GSE1: variants seen among roughly 807,000 people sequenced by gnomAD.
The protein encoded by GSE1 is genetic suppressor element 1.
In GSE1, 32 loss-of-function variants were observed where a neutral mutation model predicts 112.6. The observed-to-expected ratio is 0.28, with a 90% CI of 0.21 to 0.38. The LOEUF (loss-of-function observed/expected upper bound fraction) is 0.38. Ranked by LOEUF, GSE1 falls within the 10% of genes least tolerant of loss-of-function variation. The pLI, the probability that GSE1 is intolerant of heterozygous loss-of-function variation, is 1.00. For synonymous variants in GSE1, 1,115 were observed against 735.6 expected, an observed-to-expected ratio of 1.52 and a Z score of -8.35; for missense variants, 2,348 against 1,699.2, an observed-to-expected ratio of 1.38 and a Z score of -6.71.
chr16:85,417,612 C>T (rs2048732423), intron 2 of GSE1, among the ~76,000 whole-genome samples: 1 of 152,210 alleles, frequency 6.6e-6, no homozygotes, highest in Non-Finnish European at 1.5e-5. Context: ...CATGGGTGGC[C>T]CAGGCCGCTT....
At chr16:85,309,130 C>T (rs553118040) in intron 1 of GSE1, among the ~76,000 whole-genome samples, 1 of 151,742 alleles carries the variant, frequency 6.6e-6, no homozygotes, top group African/African-American at 2.4e-5. Flanking sequence ...TAGCGAAGCT[C>T]TCGACCCAGG....
intron 1 of GSE1, among the ~76,000 whole-genome samples, chr16:85,316,475 T>G (rs2045987573): frequency 6.6e-6 from 1 of 152,144 alleles, no homozygotes; most frequent in African/African-American, 2.4e-5. Flanking sequence ...CAGCCACTGG[T>G]CCGGGTGTCC....
Position 85,661,650 on chromosome 16 carries a change from A to C in GSE1, c.2145A>C (p.Pro715=), listed in dbSNP as rs766641949. 4.3e-6 allele frequency: 7 copies of C among 1,611,018 alleles called. No homozygotes were observed. The South Asian group carries it at 6.6e-5, about 15-fold the overall frequency. ...AGCCTGGCTCGCCCTACCGGCCCCC[A>C]GTGCCACGGGCCCCCGACCCTGCCT... ...PLKPGSPYRP[P]VPRAPDPAYI... Residue 715 remains proline, a synonymous_variant, in exon 9 of 16, where the codon CCA becomes CCC. Coordinates refer to ENST00000253458, the MANE Select transcript of GSE1 (RefSeq NM_014615.5).
chr16:85,497,345 C>T (rs1199656590), intron 2 of GSE1, among the ~76,000 whole-genome samples: 1 of 152,206 alleles, frequency 6.6e-6, no homozygotes, highest in Non-Finnish European at 1.5e-5. Context: ...CAGATCCTAG[C>T]ACATGTGGGA....
At chr16:85,486,144 C>T (rs999987356) in intron 2 of GSE1, among the ~76,000 whole-genome samples, 2 of 152,202 alleles carry the variant, frequency 1.3e-5, no homozygotes, top group African/African-American at 4.8e-5. Context: ...TCCTCACCTC[C>T]TCTTCCTCTT....
At chr16:85,519,913 C>T (rs748711918) in intron 2 of GSE1, among the ~76,000 whole-genome samples, 2 of 152,162 alleles carry the variant, frequency 1.3e-5, no homozygotes, top group African/African-American at 4.8e-5. Flanking sequence ...AAGGAAGGCA[C>T]CTTTCTCTCA....
chr16:85,501,614 C>T (rs6564125), intron 2 of GSE1, among the ~76,000 whole-genome samples: 98,380 of 151,880 alleles, frequency 0.65, 33,461 homozygotes, highest in African/African-American at 0.87. Flanking sequence ...AGGCTGGTCT[C>T]GAACCCCTGG....
At chr16:85,424,957 G>A (rs936522952) in intron 2 of GSE1, among the ~76,000 whole-genome samples, 1 of 152,274 alleles carries the variant, frequency 6.6e-6, no homozygotes, top group Non-Finnish European at 1.5e-5. Context: ...TCGGGTTGCA[G>A]GCAGAGCTCT....
chr16:85,404,191 T>C (rs1446521139), intron 2 of GSE1, among the ~76,000 whole-genome samples: 19 of 80,450 alleles, frequency 2.4e-4, no homozygotes, highest in African/African-American at 9.3e-4. Context: ...ACCGTTACAC[T>C]CAGGGCCCCC....
chr16:85,576,435 C>A (rs1352788111), intron 1 of GSE1, among the ~76,000 whole-genome samples: 1 of 152,138 alleles, frequency 6.6e-6, no homozygotes, highest in Non-Finnish European at 1.5e-5. Flanking sequence ...CAAACGCTGC[C>A]CCTTCCACAC....
chr16:85,364,980 G>T lies in GSE1; in HGVS notation c.2464+7337G>T, dbSNP rs57679013. Among the ~76,000 whole-genome samples the T allele has an allele frequency of 4.6e-3, 708 of 152,344 alleles. 8 individuals carry two copies. Among genetic ancestry groups the T allele is most frequent in the African/African-American group, 0.017 (689 of 41,566 alleles). ...GTACTGTGGTTCTGAGGCAGCCCCT[G>T]GCTGTCTTCGAGGCTGTCTTTGGAG... On this transcript the variant is annotated intron_variant, in intron 2 of 2. Coordinates refer to the GSE1 transcript ENST00000637419.
rs548601479 is a variant in GSE1, at chr16:85,364,987, T to C, written c.2464+7344T>C. ...GGTTCTGAGGCAGCCCCTGGCTGTC[T>C]TCGAGGCTGTCTTTGGAGGCCTGTC... On this transcript the variant is annotated intron_variant, in intron 2 of 2. Transcript: ENST00000637419. Among the ~76,000 whole-genome samples, 11 of 152,350 alleles carry C rather than the reference T, an allele frequency of 7.2e-5. No individual in the cohort carries two copies. In the South Asian group the frequency reaches 2.1e-3, roughly 29 times the overall value.
intron 8 of GSE1, among the ~76,000 whole-genome samples, chr16:85,659,908 C>A (rs567369301): frequency 4.6e-5 from 7 of 152,310 alleles, no homozygotes; most frequent in Admixed American, 6.5e-5. Flanking sequence ...GCAGTGGGGT[C>A]GCTGCAGTTG....
At chr16:85,558,377 G>T (rs991107254) in intron 1 of GSE1, among the ~76,000 whole-genome samples, 21 of 151,860 alleles carry the variant, frequency 1.4e-4, no homozygotes, top group African/African-American at 5.1e-4. Context: ...AGTACAGGGC[G>T]TCTTCAAAGC....
intron 1 of GSE1, among the ~76,000 whole-genome samples, chr16:85,261,908 C>A (rs1009225144): frequency 6.6e-6 from 1 of 152,146 alleles, no homozygotes; most frequent in Non-Finnish European, 1.5e-5. Flanking sequence ...GCTAAACCCT[C>A]GTGTGTATCC....
At chr16:85,669,740 T>C (rs1373750696) in intron 14 of GSE1, among the ~76,000 whole-genome samples, 3 of 152,356 alleles carry the variant, frequency 2.0e-5, no homozygotes, top group East Asian at 3.9e-4. Context: ...AGTTTGGCTT[T>C]TTCCTGTTCT....
At chr16:85,648,779 C>A (rs373323048) in intron 3 of GSE1, 28 bp downstream of exon 3, 4 of 1,397,744 alleles carry the variant, frequency 2.9e-6, no homozygotes, top group African/African-American at 2.9e-5. Flanking sequence ...GGGAGCCTAG[C>A]GTCCTCTAAG....
chr16:85,188,482 G>C (rs2074755339), intron 1 of GSE1, among the ~76,000 whole-genome samples: 2 of 152,070 alleles, frequency 1.3e-5, no homozygotes, highest in African/African-American at 2.4e-5. Flanking sequence ...TAGTCCAGGT[G>C]AATCAGGAGG....
At chr16:85,313,544 C>T (rs1433818248) in intron 1 of GSE1, among the ~76,000 whole-genome samples, 4 of 151,060 alleles carry the variant, frequency 2.6e-5, no homozygotes, top group South Asian at 4.3e-4. Context: ...TGATCCCCTT[C>T]CTGCCCCCTC....
Sources: allele counts gnomAD v4.1 joint callset (sites outside exome capture counted in the v4.1 genomes callset), GRCh38; gene constraint gnomAD v4.1.1; transcripts MANE v1.5; gene names NCBI Gene and HGNC (gene_info 2026-07-23, HGNC 2026-07-21).